The following FAM220A variants were observed in gnomAD, a reference collection of about 807,000 sequenced individuals.
FAM220A encodes protein FAM220A.
For missense variants in FAM220A, 392 were observed against 321.6 expected (o/e 1.22, Z -1.68); for synonymous variants, 141 against 130.7 (o/e 1.08, Z -0.54).
At chr7:6,347,060 G>A (rs1005511613) in intron 1 of FAM220A, among the ~76,000 whole-genome samples, 4 of 152,142 alleles carry the variant, frequency 2.6e-5, no homozygotes, top group African/African-American at 9.7e-5. Context: ...GGCTCACTGG[G>A]TTCTGACTGT....
At chr7:6,333,844 T>C (rs1318233317) in intron 1 of FAM220A, among the ~76,000 whole-genome samples, 1 of 146,548 alleles carries the variant, frequency 6.8e-6, no homozygotes, top group Non-Finnish European at 1.5e-5. Flanking sequence ...TGGCCTCTTT[T>C]TTTTTTTTTT....
chr7:6,348,477 G>T (rs969445223), intron 1 of FAM220A, 96 bp downstream of exon 1: 1 of 408,260 alleles, frequency 2.4e-6, no homozygotes, highest in Non-Finnish European at 4.3e-6. Context: ...CATACACTCA[G>T]CTTCTAGGCA....
chr7:6,344,105 G>A (rs989738847), intron 1 of FAM220A, among the ~76,000 whole-genome samples: 11 of 149,678 alleles, frequency 7.3e-5, no homozygotes, highest in Non-Finnish European at 1.0e-4. Flanking sequence ...GGCTTCTCAA[G>A]CTCCTGGCCT....
intron 1 of FAM220A, among the ~76,000 whole-genome samples, chr7:6,336,840 G>A (rs186811399): frequency 6.6e-6 from 1 of 152,082 alleles, no homozygotes; most frequent in East Asian, 1.9e-4. Context: ...ATTTTGTGTA[G>A]AGACAATGTT....
chr7:6,341,131 A>C (rs2115143387), intron 1 of FAM220A, among the ~76,000 whole-genome samples: 2 of 144,988 alleles, frequency 1.4e-5, no homozygotes, highest in African/African-American at 5.2e-5. Context: ...GCGACACAGC[A>C]AGACTCTGTC....
chr7:6,341,449 T>A lies in FAM220A; in HGVS notation c.-82+7124A>T, dbSNP rs572274351. On this transcript the variant is annotated intron_variant, in intron 1 of 1. Transcript: ENST00000313324. Reference sequence around the variant, plus strand: ...AGAGCAAGACTCTGTCTCAAAAAAATAATAATAATAATTATTATTATTATT... The same window carrying A: ...AGAGCAAGACTCTGTCTCAAAAAAAAAATAATAATAATTATTATTATTATT... Among the ~76,000 whole-genome samples, 370 of 127,850 alleles carry A rather than the reference T, an allele frequency of 2.9e-3. 4 individuals are homozygous for A. The highest frequency in any genetic ancestry group is 0.012 in the African/African-American group (349 of 28,300). The allele number at this position is 127,850 out of a possible 152,430, so 83.9% of individuals were successfully genotyped here.
rs1360141412 is a variant in FAM220A, at chr7:6,333,885, T to C, written c.-81-2650A>G. Among the ~76,000 whole-genome samples the C allele has an allele frequency of 2.0e-4, 30 of 147,384 alleles. No homozygotes were observed. The East Asian group carries it at 4.3e-3, about 21-fold the overall frequency. On this transcript the variant is annotated intron_variant, in intron 1 of 1. Transcript: ENST00000313324. ...TTGAGACAGAGTCTTGCTCTTTTTT[T>C]GCCCAGGCTGGAGTGCAGTGGCGCC...
chr7:6,336,322 T>A (rs1362115663), intron 1 of FAM220A, among the ~76,000 whole-genome samples: 1 of 151,930 alleles, frequency 6.6e-6, no homozygotes, highest in Non-Finnish European at 1.5e-5. Flanking sequence ...TACTCCAGCC[T>A]GCGCAATTAG....
intron 1 of FAM220A, among the ~76,000 whole-genome samples, chr7:6,342,936 C>T (rs1230105139): frequency 1.3e-5 from 2 of 151,614 alleles, no homozygotes; most frequent in African/African-American, 4.8e-5. Flanking sequence ...ACTCAGAAGG[C>T]TGAAGTGGGA....
intron 1 of FAM220A, among the ~76,000 whole-genome samples, chr7:6,331,827 A>C (rs1583235630): frequency 2.1e-5 from 3 of 143,340 alleles, no homozygotes; most frequent in South Asian, 4.4e-4. Flanking sequence ...TGCAACCACT[A>C]CCTCTCAGGT....
Position 6,334,441 on chromosome 7 carries a change from C to G in FAM220A, c.-81-3206G>C, listed in dbSNP as rs184033530. On this transcript the variant is annotated intron_variant, in intron 1 of 1. Transcript: ENST00000313324. ...GTCCCTGCTACTCGGGAGGGTGAGG[C>G]AGGAGAACAGCTTGAGTCCCAGAGG... Among the ~76,000 whole-genome samples the G allele has an allele frequency of 1.0e-3, 155 of 151,874 alleles. 2 individuals are homozygous for G. Among genetic ancestry groups the G allele is most frequent in the Admixed American group, 2.8e-3 (43 of 15,248 alleles).
chr7:6,337,826 CAG>C (rs1033434446), intron 1 of FAM220A, among the ~76,000 whole-genome samples: 14 of 143,288 alleles, frequency 9.8e-5, no homozygotes, highest in Admixed American at 4.8e-4. Context: ...TATTTTGAGA[CAG>C]AGTCTTGCTC....
At chr7:6,334,099 G>A (rs185368630) in intron 1 of FAM220A, among the ~76,000 whole-genome samples, 2 of 151,212 alleles carry the variant, frequency 1.3e-5, no homozygotes, top group Admixed American at 6.6e-5. Flanking sequence ...GCCCACCTTG[G>A]CCTCCCAAAG....
Position 6,329,729 on chromosome 7 carries a change from T to C in FAM220A, c.*646A>G, listed in dbSNP as rs954492918. ...TTTGCTTCTCTGTAACTGAGCTACTTTTTTCTCGAGCTCATTTTTGTTTAA... is the reference window on the plus strand; with the variant it reads ...TTTGCTTCTCTGTAACTGAGCTACTCTTTTCTCGAGCTCATTTTTGTTTAA... On this transcript the variant is annotated 3_prime_UTR_variant, in exon 2 of 2. Transcript: ENST00000313324. 6.0e-6 allele frequency: 1 copy of C among 166,360 alleles called. No homozygotes were observed. The highest frequency in any genetic ancestry group is 2.4e-5 in the African/African-American group (1 of 41,434). 10.3% of individuals were successfully genotyped at this position (166,360 alleles called of 1,614,324 possible). A position where few individuals can be genotyped will look rare whatever the true frequency, so the allele number is the denominator to read the frequency against.
In FAM220A at chr7:6,344,856, C is replaced by T. The variant is rs1056629418; in HGVS notation, c.-82+3717G>A. On this transcript the variant is annotated intron_variant, in intron 1 of 1. Transcript: ENST00000313324. ...CCCAGGGTTCAAGTAATTCTCCTGC[C>T]TCAGCCTCCCAAGTAGCTGGGATGA... Among the ~76,000 whole-genome samples the T allele has an allele frequency of 4.0e-5, 6 of 151,882 alleles. No individual in the cohort carries two copies. The East Asian group carries it at 9.7e-4, about 25-fold the overall frequency.
intron 1 of FAM220A, among the ~76,000 whole-genome samples, chr7:6,346,332 T>C (rs1781950891): frequency 6.6e-6 from 1 of 152,090 alleles, no homozygotes; most frequent in African/African-American, 2.4e-5. Flanking sequence ...TGACAGTACC[T>C]CAATTTGGAC....
Position 6,348,932 on chromosome 7 carries a change from C to G in FAM220A, c.-441G>C. 2.6e-6 allele frequency: 1 copy of G among 382,842 alleles called. No homozygotes were observed. The highest frequency in any genetic ancestry group is 4.6e-6 in the Non-Finnish European group (1 of 216,600). 23.7% of individuals were successfully genotyped at this position (382,842 alleles called of 1,614,324 possible). A position where few individuals can be genotyped will look rare whatever the true frequency, so the allele number is the denominator to read the frequency against. Reference sequence around the variant, plus strand: ...CGTCACGCTCGGAGAAGTGCCTCCGCGAGCAGCCGCCTGTACCAGCCTGGC... The same window carrying G: ...CGTCACGCTCGGAGAAGTGCCTCCGGGAGCAGCCGCCTGTACCAGCCTGGC... On this transcript the variant is annotated 5_prime_UTR_variant, in exon 1 of 2. Transcript: ENST00000313324.
intron 1 of FAM220A, among the ~76,000 whole-genome samples, chr7:6,335,518 G>C (rs528910299): frequency 6.9e-6 from 1 of 144,750 alleles, no homozygotes; most frequent in Admixed American, 7.1e-5. Flanking sequence ...GTGAGCCTCC[G>C]TGCCCAGCCT....
intron 1 of FAM220A, among the ~76,000 whole-genome samples, chr7:6,344,851 C>G (rs184350979): frequency 2.0e-5 from 3 of 151,730 alleles, no homozygotes; most frequent in Admixed American, 6.6e-5. Flanking sequence ...AAGTAATTCT[C>G]CTGCCTCAGC....
Sources: gnomAD v4.1 joint callset for allele counts (sites outside exome capture counted in the v4.1 genomes callset) on GRCh38, gnomAD v4.1.1 for gene constraint, MANE v1.5 for transcripts, NCBI Gene and HGNC (gene_info 2026-07-23, HGNC 2026-07-21) for gene names.